SORCS1: variants seen among roughly 807,000 people sequenced by gnomAD.
SORCS1 encodes the protein VPS10 domain-containing receptor SorCS1.
In SORCS1, 60 loss-of-function variants were observed where a neutral mutation model predicts 146.1. That is an observed-to-expected ratio of 0.41 (90% CI 0.33 to 0.51). The LOEUF is 0.51. Ranked by LOEUF, SORCS1 falls within the 20% of genes least tolerant of loss-of-function variation. The pLI is 0.21. For missense variants in SORCS1, 1,352 were observed against 1,487.6 expected (o/e 0.91, Z 1.50); for synonymous variants, 637 against 584.0 (o/e 1.09, Z -1.31).
chr10:106,754,550 A>G (rs1206883208), intron 5 of SORCS1, among the ~76,000 whole-genome samples: 1 of 152,204 alleles, frequency 6.6e-6, no homozygotes, highest in African/African-American at 2.4e-5. Flanking sequence ...GATTTAAACG[A>G]TATATGCAAA....
intron 1 of SORCS1, among the ~76,000 whole-genome samples, chr10:107,025,562 C>G (rs927773722): frequency 1.3e-5 from 2 of 152,110 alleles, no homozygotes; most frequent in Non-Finnish European, 2.9e-5. Context: ...GAAGATGAAG[C>G]AAATCAGATA....
chr10:107,042,716 T>C (rs1435721476), intron 1 of SORCS1, among the ~76,000 whole-genome samples: 1 of 151,950 alleles, frequency 6.6e-6, no homozygotes, highest in Admixed American at 6.6e-5. Context: ...TTCTAGAGAT[T>C]CTCCTGCCTC....
chr10:106,577,392 G>A lies in SORCS1; in HGVS notation c.*28C>T. 6.2e-7 allele frequency: 1 copy of A among 1,613,744 alleles called. No individual in the cohort carries two copies. The highest frequency in any genetic ancestry group is 8.5e-7 in the Non-Finnish European group (1 of 1,179,726). On this transcript the variant is annotated 3_prime_UTR_variant, in exon 26 of 26. Transcript: ENST00000263054. Reference sequence around the variant, plus strand: ...GAGCGAAATTCTTTCCTGATCAGCAGGTCGCCTGTAGCCTTTGGGGGTTTT... The same window carrying A: ...GAGCGAAATTCTTTCCTGATCAGCAAGTCGCCTGTAGCCTTTGGGGGTTTT...
chr10:106,736,088 CGCA>C (rs1396535688), intron 5 of SORCS1, among the ~76,000 whole-genome samples: 1 of 152,104 alleles, frequency 6.6e-6, no homozygotes. Flanking sequence ...GACATAGCAG[CGCA>C]ACATCAGCCT....
At chr10:106,980,554 T>C (rs550250064) in intron 1 of SORCS1, among the ~76,000 whole-genome samples, 1 of 152,324 alleles carries the variant, frequency 6.6e-6, no homozygotes, top group South Asian at 2.1e-4. Context: ...ATTAGGTGAC[T>C]GCAAATCAAT....
rs1589962368 is a variant in SORCS1 at position 107,026,767 on chromosome 10, C to T, written c.559-70187G>A. Among the ~76,000 whole-genome samples, 6 of 152,132 alleles carry T rather than the reference C, an allele frequency of 3.9e-5. No homozygotes were observed. The South Asian group carries it at 1.0e-3, about 26-fold the overall frequency. On this transcript the variant is annotated intron_variant, in intron 1 of 25. Coordinates refer to ENST00000263054, the MANE Select transcript of SORCS1 (RefSeq NM_052918.5). Reference sequence around the variant, plus strand: ...CACCCTGCCATGCCATGACCCTTCACATTGACAGTAAAGCCACCAAATTAC... The same window carrying T: ...CACCCTGCCATGCCATGACCCTTCATATTGACAGTAAAGCCACCAAATTAC...
intron 1 of SORCS1, among the ~76,000 whole-genome samples, chr10:107,030,219 A>C (rs1445519891): frequency 6.6e-6 from 1 of 152,222 alleles, no homozygotes; most frequent in Non-Finnish European, 1.5e-5. Context: ...GCAGAGAAGC[A>C]TAATAATAGC....
At chr10:106,766,223 C>A (rs1859561809) in intron 4 of SORCS1, among the ~76,000 whole-genome samples, 1 of 152,120 alleles carries the variant, frequency 6.6e-6, no homozygotes, top group Admixed American at 6.5e-5. Flanking sequence ...AGGGGGCCTG[C>A]AAATTGTACT....
intron 5 of SORCS1, among the ~76,000 whole-genome samples, chr10:106,732,594 A>T (rs1430417290): frequency 1.3e-5 from 2 of 152,188 alleles, no homozygotes; most frequent in African/African-American, 4.8e-5. Flanking sequence ...ACTTATTCCC[A>T]GGAGAAACGC....
intron 2 of SORCS1, among the ~76,000 whole-genome samples, chr10:106,850,008 T>C (rs1479313862): frequency 1.3e-5 from 2 of 152,188 alleles, no homozygotes; most frequent in African/African-American, 2.4e-5. Flanking sequence ...ACAGAGACTT[T>C]TAAGTCTGCA....
chr10:107,112,727 G>A (rs1260264653), intron 1 of SORCS1, among the ~76,000 whole-genome samples: 2 of 152,148 alleles, frequency 1.3e-5, no homozygotes, highest in East Asian at 1.9e-4. Flanking sequence ...GAGAGCATGG[G>A]TGGCTATACT....
At chr10:106,724,769 T>C (rs77666405) in intron 6 of SORCS1, among the ~76,000 whole-genome samples, 2 of 152,242 alleles carry the variant, frequency 1.3e-5, no homozygotes, top group Non-Finnish European at 2.9e-5. Flanking sequence ...GGATTTTTCC[T>C]GTGTCAAATG....
intron 1 of SORCS1, among the ~76,000 whole-genome samples, chr10:107,132,887 CAACTA>C (rs1472702086): frequency 6.6e-6 from 1 of 152,108 alleles, no homozygotes; most frequent in African/African-American, 2.4e-5. Context: ...AGACCTTGTA[CAACTA>C]ACTCAACATA....
chr10:106,929,223 C>T (rs1301789310), intron 2 of SORCS1, among the ~76,000 whole-genome samples: 2 of 150,728 alleles, frequency 1.3e-5, no homozygotes, highest in East Asian at 1.9e-4. Flanking sequence ...TGAATTTTTC[C>T]CCAGAACAAA....
At chr10:106,659,827 C>G (rs1448804259) in intron 17 of SORCS1, among the ~76,000 whole-genome samples, 1 of 152,270 alleles carries the variant, frequency 6.6e-6, no homozygotes, top group Middle Eastern at 3.4e-3. Flanking sequence ...TCCTTCATTT[C>G]CCAACCCCAG....
rs965851371 is a variant in SORCS1 at position 106,914,361 on chromosome 10, C to T, written c.626+42152G>A. Among the ~76,000 whole-genome samples, 4 of 151,950 alleles carry T rather than the reference C, an allele frequency of 2.6e-5. No homozygotes were observed. In the South Asian group the frequency reaches 8.3e-4, roughly 32 times the overall value. ...CATTATCCAAGCTATTCTGGATTTC[C>T]GGGGGGTGATTTATAAGTATGTGCG... On this transcript the variant is annotated intron_variant, in intron 2 of 25. Transcript: ENST00000263054.
chr10:106,617,309 C>T (rs1847438104), intron 21 of SORCS1, among the ~76,000 whole-genome samples: 3 of 152,046 alleles, frequency 2.0e-5, no homozygotes, highest in African/African-American at 4.8e-5. Flanking sequence ...CTCCTCCTCT[C>T]TCTGCACAGC....
intron 1 of SORCS1, among the ~76,000 whole-genome samples, chr10:107,078,323 T>C (rs1963054078): frequency 6.6e-6 from 1 of 152,168 alleles, no homozygotes; most frequent in Non-Finnish European, 1.5e-5. Context: ...ATAAAAAAGA[T>C]TACTCATTCA....
At chr10:107,004,420 T>C (rs995380720) in intron 1 of SORCS1, among the ~76,000 whole-genome samples, 3 of 152,036 alleles carry the variant, frequency 2.0e-5, no homozygotes, top group African/African-American at 7.2e-5. Context: ...CTAGCAATCA[T>C]GGTGGAGAGA....
Sources: allele counts gnomAD v4.1 joint callset (sites outside exome capture counted in the v4.1 genomes callset), GRCh38; gene constraint gnomAD v4.1.1; transcripts MANE v1.5; gene names NCBI Gene and HGNC (gene_info 2026-07-23, HGNC 2026-07-21).